The following C1QTNF5 variants were observed in gnomAD, a reference collection of about 807,000 sequenced individuals.
C1QTNF5 encodes the protein complement C1q tumor necrosis factor-related protein 5.
Under a neutral mutation model 10.9 loss-of-function variants are expected in C1QTNF5, and 5 were observed. The observed-to-expected ratio is 0.46, with a 90% CI of 0.24 to 0.97. C1QTNF5 has a LOEUF of 0.97. Ranked by LOEUF, C1QTNF5 falls within the 50% of genes least tolerant of loss-of-function variation. The pLI is 0.19. For missense variants in C1QTNF5, 281 were observed against 339.4 expected, an observed-to-expected ratio of 0.83 and a Z score of 1.35; for synonymous variants, 161 against 156.5, an observed-to-expected ratio of 1.03 and a Z score of -0.22.
chr11:119,345,431 G>T (rs749323383), upstream of C1QTNF5: 1 of 1,613,750 alleles, frequency 6.2e-7, no homozygotes, highest in African/African-American at 1.3e-5. Context: ...TGAGGAGGGG[G>T]CCTTCAGGCT....
At chr11:119,344,524 C>G, upstream of C1QTNF5, 5 of 1,594,192 alleles carry the variant, frequency 3.1e-6, no homozygotes, top group South Asian at 4.4e-5. Context: ...AATGACTGAG[C>G]AGGAAATGCT....
upstream of C1QTNF5, chr11:119,343,768 C>T (rs1565293875): frequency 1.9e-6 from 3 of 1,611,548 alleles, no homozygotes; most frequent in Admixed American, 1.7e-5. Flanking sequence ...CCGGGGGTGG[C>T]AGACAGTGAG....
chr11:119,344,202 C>G (rs1438672127), upstream of C1QTNF5: 7 of 1,129,590 alleles, frequency 6.2e-6, no homozygotes, highest in Non-Finnish European at 9.4e-6. Flanking sequence ...TGCTTGATCT[C>G]TGACCTTCCC....
upstream of C1QTNF5, among the ~76,000 whole-genome samples, chr11:119,343,600 G>A (rs907407729): frequency 3.9e-5 from 6 of 152,212 alleles, no homozygotes; most frequent in Non-Finnish European, 8.8e-5. Context: ...ACTGGGGCAG[G>A]GAGAGGTTTG....
rs1344840579 is a variant in C1QTNF5 at position 119,340,340 on chromosome 11, C to T, written c.58G>A (p.Asp20Asn). The change falls in exon 2 of 3, where the codon GAC (aspartate) becomes AAC (asparagine). Residue 20 changes from aspartate to asparagine, a missense_variant. Asp to Asn is a conservative substitution (Grantham distance 23). Coordinates refer to ENST00000528368, the MANE Select transcript of C1QTNF5 (RefSeq NM_001278431.2). ...LGLAAGSPPL[D>N]DNKIPSLCPG... ...CAGAGGCTGGGGATCTTGTTGTCGT[C>T]CAGTGGGGGCGAGCCGGCCGCCAGG... 6.5e-7 allele frequency: 1 copy of T among 1,543,836 alleles called. No homozygotes were observed. The highest frequency in any genetic ancestry group is 2.5e-5 in the East Asian group (1 of 40,462).
the C1QTNF5 span, chr11:119,345,957 T>C: frequency 1.2e-6 from 2 of 1,613,548 alleles, no homozygotes; most frequent in Middle Eastern, 3.3e-4. Flanking sequence ...AGGGTGGCGT[T>C]CAGAGGAGCT....
At chr11:119,342,541 G>A, upstream of C1QTNF5, 1 of 1,605,482 alleles carries the variant, frequency 6.2e-7, no homozygotes, top group Admixed American at 1.7e-5. Context: ...CGGCAGTAGG[G>A]TTCTGTGAGG....
chr11:119,342,345 A>G (rs1950510628), upstream of C1QTNF5, among the ~76,000 whole-genome samples: 1 of 152,202 alleles, frequency 6.6e-6, no homozygotes. Context: ...GGGTGACAGA[A>G]GGGACTGGTT....
At chr11:119,345,781 G>C (rs2135373847), upstream of C1QTNF5, 1 of 1,613,706 alleles carries the variant, frequency 6.2e-7, no homozygotes, top group Admixed American at 1.7e-5. Flanking sequence ...ACTGGACTGT[G>C]GGGAGGGGCT....
Position 119,339,841 on chromosome 11 carries a change from C to CG in C1QTNF5, c.221dup (p.Pro76ThrfsTer45). On this transcript the variant is annotated frameshift_variant, in exon 3 of 3. Coordinates refer to ENST00000528368, the MANE Select transcript of C1QTNF5 (RefSeq NM_001278431.2). LOFTEE classifies it low-confidence loss of function (END_TRUNC). This position sits in a 1 kb window ranked among gnomAD's most constrained non-coding sequence, Gnocchi z 5.4. ...GCGGCCCGGGGTCCCCTCGAGGTCCCGGCAGTCCTGCGGGGTAAGCGGGGC... is the reference window on the plus strand; with the variant it reads ...GCGGCCCGGGGTCCCCTCGAGGTCCCGGGCAGTCCTGCGGGGTAAGCGGGGC... 6.7e-7 allele frequency: 1 copy of CG among 1,492,594 alleles called. No homozygotes were observed. The allele number at this position is 1,492,594 out of a possible 1,614,324, so 92.5% of individuals were successfully genotyped here.
upstream of C1QTNF5, chr11:119,344,316 A>T (rs1454970461): frequency 6.2e-7 from 1 of 1,613,800 alleles, no homozygotes; most frequent in South Asian, 1.1e-5. Flanking sequence ...TGTGCTTACC[A>T]GTTGGTGAGG....
upstream of C1QTNF5, chr11:119,345,699 C>G: frequency 6.2e-7 from 1 of 1,612,472 alleles, no homozygotes. Flanking sequence ...CAAGGTGCCT[C>G]TTCCTCACCC....
intron 1 of C1QTNF5, 30 bp from the exon 2 acceptor site, chr11:119,340,470 C>T (rs1003860933): frequency 8.3e-5 from 122 of 1,467,238 alleles, no homozygotes; most frequent in Non-Finnish European, 1.1e-4. Context: ...GGAGTCGGGA[C>T]CCAGAATCCT....
chr11:119,341,210 A>C, upstream of C1QTNF5: 3 of 367,794 alleles, frequency 8.2e-6, no homozygotes, highest in Non-Finnish European at 1.5e-5. Context: ...TGCTCAGTAC[A>C]TTTTTGTTGA....
At position 119,339,227 on chromosome 11, in the gene C1QTNF5, T is replaced by G. The variant is rs1359632577; in HGVS notation, c.*104A>C. On this transcript the variant is annotated 3_prime_UTR_variant, in exon 3 of 3. Coordinates refer to ENST00000528368, the MANE Select transcript of C1QTNF5 (RefSeq NM_001278431.2). The surrounding 1 kb of genome is among the most constrained non-coding windows in gnomAD (Gnocchi z 5.4). ...AGAGTGCTCTACCCCACCTCCCTAGTCATTCACAATATTCCAGGGGGGCCA... is the reference window on the plus strand; with the variant it reads ...AGAGTGCTCTACCCCACCTCCCTAGGCATTCACAATATTCCAGGGGGGCCA... 1.1e-5 allele frequency: 15 copies of G among 1,307,662 alleles called. No individual in the cohort carries two copies. Among genetic ancestry groups the G allele is most frequent in the Admixed American group, 2.2e-5 (1 of 44,998 alleles). The allele number at this position is 1,307,662 out of a possible 1,614,324, so 81.0% of individuals were successfully genotyped here.
At chr11:119,340,138 G>A in intron 2 of C1QTNF5, 46 bp downstream of exon 2, 1 of 1,494,610 alleles carries the variant, frequency 6.7e-7, no homozygotes, top group East Asian at 2.8e-5. Flanking sequence ...CTGCGGCCGC[G>A]CCTGCTCGGA....
chr11:119,343,835 C>T (rs371667705), upstream of C1QTNF5: 7 of 1,613,846 alleles, frequency 4.3e-6, no homozygotes, highest in African/African-American at 5.3e-5. Context: ...AGGCTGAAGG[C>T]CCCTGAGCTG....
upstream of C1QTNF5, chr11:119,341,466 G>A (rs1950501568): frequency 1.7e-6 from 2 of 1,211,174 alleles, no homozygotes; most frequent in Non-Finnish European, 2.4e-6. Context: ...CCCTGCTGAT[G>A]CTCCTTCCTT....
Position 119,340,262 on chromosome 11 carries a change from A to G in C1QTNF5, c.136T>C (p.Leu46=). The G allele has an allele frequency of 6.6e-7, 1 of 1,520,022 alleles. No homozygotes were observed. Among genetic ancestry groups the G allele is most frequent in the Middle Eastern group, 2.3e-4 (1 of 4,430 alleles). The allele number at this position is 1,520,022 out of a possible 1,614,324, so 94.2% of individuals were successfully genotyped here. Reference sequence around the variant, plus strand: ...CCGTCGCGGCCATCGCGGCCCGGCAAGCCCTGGCTGCCATGGTGGCCCGGC... The same window carrying G: ...CCGTCGCGGCCATCGCGGCCCGGCAGGCCCTGGCTGCCATGGTGGCCCGGC... ...GTPGHHGSQG[L]PGRDGRDGRD... Residue 46 remains leucine, a synonymous_variant, in exon 2 of 3, where the codon TTG becomes CTG. Coordinates refer to ENST00000528368, the MANE Select transcript of C1QTNF5 (RefSeq NM_001278431.2).
Sources: allele counts gnomAD v4.1 joint callset (sites outside exome capture counted in the v4.1 genomes callset), GRCh38; gene constraint gnomAD v4.1.1; non-coding constraint Gnocchi (gnomAD v3.1); transcripts MANE v1.5; gene names NCBI Gene and HGNC (gene_info 2026-07-23, HGNC 2026-07-21).